Variants in PLEKHM3 observed in about 807,000 individuals in gnomAD.
The protein encoded by PLEKHM3 is pleckstrin homology domain-containing family M member 3.
In PLEKHM3, 45 loss-of-function variants were observed where a neutral mutation model predicts 81.8. The observed-to-expected ratio is 0.55, with a 90% CI of 0.43 to 0.71. The LOEUF (loss-of-function observed/expected upper bound fraction) is 0.71, where lower values mean the gene tolerates loss of function less well. PLEKHM3 is among the 30% of genes least tolerant of loss of function. The probability of loss-of-function intolerance (pLI) is 0.00; values close to 1 mark genes in which losing one functional copy is unlikely to be tolerated. For synonymous variants in PLEKHM3, 352 were observed against 356.4 expected, an observed-to-expected ratio of 0.99 and a Z score of 0.14; for missense variants, 788 against 924.3, an observed-to-expected ratio of 0.85 and a Z score of 1.91.
intron 2 of PLEKHM3, among the ~76,000 whole-genome samples, chr2:207,978,240 C>T (rs1691390242): frequency 6.6e-6 from 1 of 152,072 alleles, no homozygotes; most frequent in Admixed American, 6.6e-5. Context: ...ACAACTGTGA[C>T]TAGTTATGCC....
intron 6 of PLEKHM3, 142 bp downstream of exon 6, chr2:207,908,372 T>C: frequency 1.3e-6 from 1 of 794,146 alleles, no homozygotes; most frequent in Non-Finnish European, 2.1e-6. Flanking sequence ...TACTAAGTTT[T>C]CCCCCCATTC....
intron 2 of PLEKHM3, among the ~76,000 whole-genome samples, chr2:207,995,833 T>A (rs1386525276): frequency 1.3e-5 from 2 of 152,226 alleles, no homozygotes; most frequent in African/African-American, 4.8e-5. Context: ...TTAATCTGGT[T>A]CATGTATTCT....
chr2:207,910,304 G>T (rs1361337399), intron 5 of PLEKHM3, among the ~76,000 whole-genome samples: 4 of 152,146 alleles, frequency 2.6e-5, no homozygotes, highest in Non-Finnish European at 5.9e-5. Context: ...GGTAGACCAT[G>T]GTCCCTGGAG....
At chr2:207,964,230 T>C (rs1184754528) in intron 3 of PLEKHM3, among the ~76,000 whole-genome samples, 1 of 151,314 alleles carries the variant, frequency 6.6e-6, no homozygotes, top group African/African-American at 2.4e-5. Context: ...AAAAAGAACC[T>C]CCTATGGGCT....
intron 3 of PLEKHM3, among the ~76,000 whole-genome samples, chr2:207,957,376 C>T (rs1229923783): frequency 2.6e-5 from 4 of 152,124 alleles, no homozygotes; most frequent in East Asian, 3.9e-4. Context: ...CTTAAATTTA[C>T]GTAAGATGCA....
Position 207,946,154 on chromosome 2 carries a change from T to C in PLEKHM3, c.1692+213A>G, listed in dbSNP as rs16840200. 8.6e-3 allele frequency among the ~76,000 whole-genome samples: 1,305 copies of C among 152,312 alleles called. 20 individuals are homozygous for C. The highest frequency in any genetic ancestry group is 0.03 in the African/African-American group (1,240 of 41,572). On this transcript the variant is annotated intron_variant, in intron 4 of 7. Coordinates refer to ENST00000427836, the MANE Select transcript of PLEKHM3 (RefSeq NM_001080475.3). ...CACCAGAAGTAAAAACTGCTCTATA[T>C]GTCTTTTTAAATGAGGAAACTAATA...
intron 4 of PLEKHM3, among the ~76,000 whole-genome samples, chr2:207,935,718 TC>T (rs749128987): frequency 5.9e-5 from 9 of 152,340 alleles, no homozygotes; most frequent in Non-Finnish European, 8.8e-5. Context: ...GAGACTCTGC[TC>T]TGTGCTTTTT....
chr2:207,928,588 A>G (rs1689484495), intron 5 of PLEKHM3, among the ~76,000 whole-genome samples: 2 of 152,284 alleles, frequency 1.3e-5, no homozygotes, highest in Admixed American at 6.5e-5. Flanking sequence ...ATGCCTTGAG[A>G]GCAAAGTAAT....
At chr2:208,018,445 C>A (rs113520065) in intron 1 of PLEKHM3, among the ~76,000 whole-genome samples, 1 of 151,586 alleles carries the variant, frequency 6.6e-6, no homozygotes. Flanking sequence ...TCTGCATATG[C>A]GACAGAGAAC....
In PLEKHM3 at chr2:207,827,767, A is replaced by G. The variant is rs1187178487; in HGVS notation, c.*552T>C. 1.3e-5 allele frequency: 2 copies of G among 152,094 alleles called. No homozygotes were observed. The highest frequency in any genetic ancestry group is 2.9e-5 in the Non-Finnish European group (2 of 68,044). The allele number at this position is 152,094 out of a possible 1,614,324, so 9.4% of individuals were successfully genotyped here. A position where few individuals can be genotyped will look rare whatever the true frequency, so the allele number is the denominator to read the frequency against. On this transcript the variant is annotated 3_prime_UTR_variant, in exon 8 of 8. Transcript: ENST00000427836. ...CGTGATTCCCCGCCTCCACAGGAGG[A>G]ACTGAGGCGGGAGCGCCACGGACAC... is the stretch of plus-strand genomic sequence containing the variant.
chr2:207,954,367 T>A (rs1337553768), intron 3 of PLEKHM3, among the ~76,000 whole-genome samples: 2 of 152,114 alleles, frequency 1.3e-5, no homozygotes, highest in African/African-American at 2.4e-5. Context: ...AAAAACCCTG[T>A]CAACACAACA....
At chr2:208,016,979 G>A (rs1381203476) in intron 1 of PLEKHM3, among the ~76,000 whole-genome samples, 9 of 152,178 alleles carry the variant, frequency 5.9e-5, no homozygotes, top group South Asian at 2.1e-4. Flanking sequence ...TATAACCTAC[G>A]CACATCCTCC....
At position 207,850,058 on chromosome 2, in the gene PLEKHM3, A is replaced by G. The variant is rs185654027; in HGVS notation, c.2108+11047T>C. ...CAGGGAAGTGGAAGGGGAAGCAAGC[A>G]TGTGGAAAAGGACCAAACACAGGAG... On this transcript the variant is annotated intron_variant, in intron 7 of 7. Coordinates refer to ENST00000427836, the MANE Select transcript of PLEKHM3 (RefSeq NM_001080475.3). Among the ~76,000 whole-genome samples, 137 of 152,330 alleles carry G rather than the reference A, an allele frequency of 9.0e-4. 1 individual carries two copies. Among genetic ancestry groups the G allele is most frequent in the African/African-American group, 2.9e-3 (120 of 41,572 alleles).
chr2:207,967,879 G>T (rs1016121310), intron 3 of PLEKHM3, among the ~76,000 whole-genome samples: 2 of 152,100 alleles, frequency 1.3e-5, no homozygotes, highest in Non-Finnish European at 2.9e-5. Flanking sequence ...CACAGCTGGT[G>T]AGTAGAACCA....
intron 6 of PLEKHM3, among the ~76,000 whole-genome samples, chr2:207,880,959 AT>A: frequency 6.6e-6 from 1 of 151,356 alleles, no homozygotes; most frequent in East Asian, 1.9e-4. Flanking sequence ...TATACTGTTG[AT>A]GGGTATAGGT....
chr2:207,868,631 G>A (rs2092515781), intron 6 of PLEKHM3: 1 of 152,170 alleles, frequency 6.6e-6, no homozygotes, highest in Non-Finnish European at 1.5e-5. Flanking sequence ...ATCGAATATA[G>A]TTTCTGACTT....
At chr2:207,873,226 G>C (rs1299206756) in intron 6 of PLEKHM3, among the ~76,000 whole-genome samples, 1 of 152,116 alleles carries the variant, frequency 6.6e-6, no homozygotes, top group East Asian at 1.9e-4. Flanking sequence ...CTTATAAAGA[G>C]GGAAGAAAGT....
intron 6 of PLEKHM3, among the ~76,000 whole-genome samples, chr2:207,893,452 T>C (rs1285807899): frequency 6.6e-6 from 1 of 152,208 alleles, no homozygotes; most frequent in Non-Finnish European, 1.5e-5. Context: ...TGCTATCTTT[T>C]GCGTGGCTGA....
At chr2:207,985,795 G>A (rs1691695803) in intron 2 of PLEKHM3, among the ~76,000 whole-genome samples, 2 of 151,976 alleles carry the variant, frequency 1.3e-5, no homozygotes, top group Admixed American at 1.3e-4. Context: ...GACCATCCTG[G>A]CTAACACAGT....
Sources: allele counts gnomAD v4.1 joint callset (sites outside exome capture counted in the v4.1 genomes callset), GRCh38; gene constraint gnomAD v4.1.1; transcripts MANE v1.5; gene names NCBI Gene and HGNC (gene_info 2026-07-23, HGNC 2026-07-21).